The following ZC3H3 variants were observed in gnomAD, a reference collection of about 807,000 sequenced individuals.
ZC3H3 encodes zinc finger CCCH domain-containing protein 3.
Under a neutral mutation model 77.3 loss-of-function variants are expected in ZC3H3, and 36 were observed. The observed-to-expected ratio is 0.47, with a 90% confidence interval of 0.36 to 0.61. ZC3H3 has a LOEUF of 0.61. Among genes scored for constraint, ZC3H3 ranks in the 20% least tolerant of loss-of-function variants. The pLI is 0.00. For missense variants in ZC3H3, 1,331 were observed against 1,312.2 expected (o/e 1.01, Z -0.22); for synonymous variants, 626 against 555.2 (o/e 1.13, Z -1.79).
chr8:143,477,060 GC>G (rs1404012121), intron 4 of ZC3H3, among the ~76,000 whole-genome samples: 4 of 152,150 alleles, frequency 2.6e-5, no homozygotes, highest in African/African-American at 9.7e-5. Flanking sequence ...GGATGGAGCA[GC>G]CCTTCTGTCG....
intron 8 of ZC3H3, among the ~76,000 whole-genome samples, chr8:143,466,422 G>A (rs895856638): frequency 6.6e-6 from 1 of 152,252 alleles, no homozygotes; most frequent in African/African-American, 2.4e-5. Context: ...AAGGCTGTCA[G>A]CAGGAAGGGT....
intron 4 of ZC3H3, among the ~76,000 whole-genome samples, chr8:143,476,739 G>A (rs1316339440): frequency 6.6e-6 from 1 of 152,240 alleles, no homozygotes; most frequent in African/African-American, 2.4e-5. Flanking sequence ...AGTGGGAGGC[G>A]AGGACGGGCA....
intron 9 of ZC3H3, 133 bp downstream of exon 9, chr8:143,465,584 G>A (rs1820386828): frequency 1.2e-5 from 16 of 1,373,108 alleles, no homozygotes; most frequent in Non-Finnish European, 1.6e-5. Flanking sequence ...CACCTGTGAG[G>A]TGGACGTGAT....
chr8:143,533,821 G>A lies in ZC3H3; in HGVS notation c.1561+2436C>T, dbSNP rs1478556689. Among the ~76,000 whole-genome samples, 5 of 151,764 alleles carry A rather than the reference G, an allele frequency of 3.3e-5. No homozygotes were observed. Among genetic ancestry groups the A allele is most frequent in the Non-Finnish European group, 5.9e-5 (4 of 67,982 alleles). On this transcript the variant is annotated intron_variant, in intron 3 of 11. Coordinates refer to ENST00000262577, the MANE Select transcript of ZC3H3 (RefSeq NM_015117.3). The surrounding 1 kb of genome is among the most constrained non-coding windows in gnomAD (Gnocchi z 4.0). ...CTCCCGAGTAGATGGGATTACAGAC[G>A]CTCGCCACCACACCCAGCTAATTTT...
In ZC3H3 at chr8:143,530,650, C is replaced by T. The variant is rs921071717; in HGVS notation, c.1561+5607G>A. 3.3e-5 allele frequency among the ~76,000 whole-genome samples: 5 copies of T among 152,094 alleles called. No individual in the cohort carries two copies. The highest frequency in any genetic ancestry group is 7.4e-5 in the Non-Finnish European group (5 of 68,018). On this transcript the variant is annotated intron_variant, in intron 3 of 11. Coordinates refer to ENST00000262577, the MANE Select transcript of ZC3H3 (RefSeq NM_015117.3). This position sits in a 1 kb window ranked among gnomAD's most constrained non-coding sequence, Gnocchi z 4.3. ...GTCATCTCAGGGTGGCCGAGCACAG[C>T]GACGGGCCCCAGGAGGATGTACCAC...
At chr8:143,528,384 C>T (rs1448835068) in intron 3 of ZC3H3, among the ~76,000 whole-genome samples, 5 of 152,262 alleles carry the variant, frequency 3.3e-5, no homozygotes, top group African/African-American at 7.2e-5. Context: ...ACACCCTCCA[C>T]GGTCAAGCTT....
chr8:143,539,460 C>T, intron 1 of ZC3H3, 140 bp from the exon 2 acceptor site: 1 of 920,784 alleles, frequency 1.1e-6, no homozygotes. Context: ...GAGGGGCAGC[C>T]CCCAGAGCCT....
intron 3 of ZC3H3, among the ~76,000 whole-genome samples, chr8:143,515,339 G>C (rs1161840002): frequency 6.6e-6 from 1 of 152,138 alleles, no homozygotes; most frequent in Non-Finnish European, 1.5e-5. Context: ...GTCATCGGCA[G>C]GGCCCCTGGG....
At chr8:143,509,505 G>T (rs1406450615) in intron 3 of ZC3H3, among the ~76,000 whole-genome samples, 1 of 152,162 alleles carries the variant, frequency 6.6e-6, no homozygotes, top group Non-Finnish European at 1.5e-5. Context: ...CGGGCCTCAG[G>T]GCTGCCACCA....
chr8:143,468,089 G>C (rs1820461494), intron 8 of ZC3H3, 120 bp downstream of exon 8: 1 of 1,249,652 alleles, frequency 8.0e-7, no homozygotes, highest in African/African-American at 1.5e-5. Flanking sequence ...AAGGACGCCA[G>C]GGCAGGGATC....
chr8:143,465,968 G>A (rs1820398044), intron 8 of ZC3H3, 120 bp from the exon 9 acceptor site: 6 of 1,358,852 alleles, frequency 4.4e-6, no homozygotes, highest in African/African-American at 1.4e-5. Flanking sequence ...GCACCAGCAG[G>A]CAGGAAGGGC....
At chr8:143,536,520 C>T (rs1454421645) in intron 2 of ZC3H3, 67 bp from the exon 3 acceptor site, 2 of 1,422,732 alleles carry the variant, frequency 1.4e-6, no homozygotes, top group South Asian at 1.5e-5. Context: ...CCCTTCCTCA[C>T]CAGGACCCGA....
Position 143,507,307 on chromosome 8 carries a change from C to T in ZC3H3, c.1715+439G>A, listed in dbSNP as rs74402037. ...CAGCAGCAGGGCAAGGAGTAGCTCA[C>T]ATCACCGCCTTGACAATCATACATT... is the stretch of plus-strand genomic sequence containing the variant. On this transcript the variant is annotated intron_variant, in intron 4 of 11. Coordinates refer to ENST00000262577, the MANE Select transcript of ZC3H3 (RefSeq NM_015117.3). Among the ~76,000 whole-genome samples, 1,322 of 152,364 alleles carry T rather than the reference C, an allele frequency of 8.7e-3. 21 individuals are homozygous for T. Among genetic ancestry groups the T allele is most frequent in the African/African-American group, 0.03 (1,254 of 41,584 alleles).
At chr8:143,502,247 C>CGT (rs1376616339) in intron 4 of ZC3H3, among the ~76,000 whole-genome samples, 8 of 152,272 alleles carry the variant, frequency 5.3e-5, no homozygotes, top group African/African-American at 1.9e-4. Context: ...ACGGCCCCAG[C>CGT]CGACGAAGAC....
chr8:143,453,729 C>A (rs1820044826), intron 9 of ZC3H3, among the ~76,000 whole-genome samples: 2 of 152,116 alleles, frequency 1.3e-5, no homozygotes, highest in South Asian at 4.1e-4. Context: ...CCATCTCTTC[C>A]CCAGTTTTTA....
chr8:143,480,065 T>C (rs1176084156), intron 4 of ZC3H3, among the ~76,000 whole-genome samples: 2 of 152,208 alleles, frequency 1.3e-5, no homozygotes, highest in East Asian at 3.9e-4. Flanking sequence ...TGCTGAGTGC[T>C]GCCAGCCTCG....
intron 3 of ZC3H3, among the ~76,000 whole-genome samples, chr8:143,517,782 C>T (rs1047944965): frequency 1.3e-5 from 2 of 152,206 alleles, no homozygotes; most frequent in Non-Finnish European, 2.9e-5. Context: ...CTTGTCTCTG[C>T]TTTGACCCCC....
chr8:143,460,179 C>A lies in ZC3H3; in HGVS notation c.2307+5538G>T, dbSNP rs562753439. Among the ~76,000 whole-genome samples, 6 of 151,628 alleles carry A rather than the reference C, an allele frequency of 4.0e-5. No individual in the cohort carries two copies. Among genetic ancestry groups the A allele is most frequent in the Admixed American group, 3.3e-4 (5 of 15,188 alleles). ...AGGAGAATCACTCGAACCCGGGAGGCGGAAGTTGCAGTGAGCCGAGATCAT... is the reference window on the plus strand; with the variant it reads ...AGGAGAATCACTCGAACCCGGGAGGAGGAAGTTGCAGTGAGCCGAGATCAT... On this transcript the variant is annotated intron_variant, in intron 9 of 11. Coordinates refer to ENST00000262577, the MANE Select transcript of ZC3H3 (RefSeq NM_015117.3). The surrounding 1 kb of genome is among the most constrained non-coding windows in gnomAD (Gnocchi z 4.0).
At chr8:143,455,400 G>A (rs1199119661) in intron 9 of ZC3H3, among the ~76,000 whole-genome samples, 1 of 152,092 alleles carries the variant, frequency 6.6e-6, no homozygotes, top group Non-Finnish European at 1.5e-5. Context: ...GGAGGCTGAA[G>A]CAGGAGAATC....
Sources: allele counts gnomAD v4.1 joint callset (sites outside exome capture counted in the v4.1 genomes callset), GRCh38; gene constraint gnomAD v4.1.1; non-coding constraint Gnocchi (gnomAD v3.1); transcripts MANE v1.5; gene names NCBI Gene and HGNC (gene_info 2026-07-23, HGNC 2026-07-21).